Variants in PPP1R14D observed in about 807,000 individuals in gnomAD.
PPP1R14D encodes the protein protein phosphatase 1 regulatory inhibitor subunit 14D.
In PPP1R14D, 14 loss-of-function variants were observed where a neutral mutation model predicts 17.1. The observed-to-expected ratio is 0.82, with a 90% confidence interval of 0.54 to 1.28. The LOEUF (loss-of-function observed/expected upper bound fraction) is 1.28, where lower values mean the gene tolerates loss of function less well. Ranked by LOEUF, PPP1R14D falls within the 50% of genes most tolerant of loss-of-function variation. The pLI is 0.00. For missense variants in PPP1R14D, 173 were observed against 179.2 expected (o/e 0.97, Z 0.20); for synonymous variants, 67 against 66.1 (o/e 1.01, Z -0.06).
chr15:40,815,801 A>C (rs1158638302), intron 3 of PPP1R14D, 40 bp from the exon 4 acceptor site: 31 of 1,556,384 alleles, frequency 2.0e-5, no homozygotes, highest in Non-Finnish European at 2.7e-5. Flanking sequence ...TTGGGGTCAC[A>C]ATTCACCCCC....
Position 40,821,059 on chromosome 15 carries a change from C to G in PPP1R14D, c.256-4806G>C, listed in dbSNP as rs143519744. Among the ~76,000 whole-genome samples the G allele has an allele frequency of 1.7e-3, 255 of 151,636 alleles. 2 individuals carry two copies. The highest frequency in any genetic ancestry group is 5.9e-3 in the African/African-American group (244 of 41,322). Reference sequence around the variant, plus strand: ...TAAGAAGAAAAAAAAAGAACCAGGCCGGGTGCCGTGGCTCACGCCTGTAAT... The same window carrying G: ...TAAGAAGAAAAAAAAAGAACCAGGCGGGGTGCCGTGGCTCACGCCTGTAAT... On this transcript the variant is annotated intron_variant, in intron 1 of 3. Coordinates refer to ENST00000299174, the MANE Select transcript of PPP1R14D (RefSeq NM_017726.8).
At chr15:40,827,990 C>T (rs769642829) in intron 1 of PPP1R14D, among the ~76,000 whole-genome samples, 63 of 151,922 alleles carry the variant, frequency 4.1e-4, no homozygotes, top group Non-Finnish European at 8.2e-4. Context: ...AGAAAAGAAA[C>T]GAAAATGTAG....
At chr15:40,816,070 T>C in intron 2 of PPP1R14D, 76 bp from the exon 3 acceptor site, 3 of 1,603,980 alleles carry the variant, frequency 1.9e-6, no homozygotes, top group Non-Finnish European at 2.6e-6. Flanking sequence ...TCCCAAGAAT[T>C]CTCCCCTCTG....
At chr15:40,825,645 G>C (rs969468298) in intron 1 of PPP1R14D, among the ~76,000 whole-genome samples, 1 of 152,220 alleles carries the variant, frequency 6.6e-6, no homozygotes, top group African/African-American at 2.4e-5. Flanking sequence ...TGGGTGGGCA[G>C]GGGCTCTCCG....
chr15:40,821,594 T>TAAC (rs1282554934), intron 1 of PPP1R14D, among the ~76,000 whole-genome samples: 1 of 151,942 alleles, frequency 6.6e-6, no homozygotes, highest in Non-Finnish European at 1.5e-5. Context: ...CTAACATCTG[T>TAAC]AACTGGAATC....
At chr15:40,820,103 T>C (rs1890747864) in intron 1 of PPP1R14D, among the ~76,000 whole-genome samples, 1 of 151,834 alleles carries the variant, frequency 6.6e-6, no homozygotes, top group East Asian at 1.9e-4. Flanking sequence ...TGACCTCAGG[T>C]GATCTGCCCG....
intron 1 of PPP1R14D, 133 bp from the exon 2 acceptor site, chr15:40,816,386 C>A: frequency 1.4e-6 from 1 of 728,670 alleles, no homozygotes; most frequent in South Asian, 1.6e-5. Flanking sequence ...AACACCCATT[C>A]AGTTTTCCAT....
intron 1 of PPP1R14D, among the ~76,000 whole-genome samples, chr15:40,821,154 G>A (rs922811594): frequency 3.3e-5 from 5 of 151,990 alleles, no homozygotes; most frequent in Non-Finnish European, 7.4e-5. Flanking sequence ...GGCTAACATG[G>A]TGAAACCCCA....
At chr15:40,824,424 G>A (rs1890836902) in intron 1 of PPP1R14D, among the ~76,000 whole-genome samples, 1 of 151,074 alleles carries the variant, frequency 6.6e-6, no homozygotes, top group South Asian at 2.1e-4. Context: ...AGGCTGGAGT[G>A]CAGTGGCACG....
intron 1 of PPP1R14D, among the ~76,000 whole-genome samples, chr15:40,823,005 C>T (rs1332796415): frequency 2.0e-5 from 3 of 147,512 alleles, no homozygotes; most frequent in African/African-American, 5.1e-5. Flanking sequence ...GCTCTTGTCG[C>T]CCAGGCTGGA....
chr15:40,816,398 CA>C, intron 1 of PPP1R14D, 145 bp from the exon 2 acceptor site: 1 of 696,594 alleles, frequency 1.4e-6, no homozygotes, highest in Non-Finnish European at 2.5e-6. Context: ...GTTTTCCATT[CA>C]ACAGTAATTT....
rs929854965 is a variant in PPP1R14D, at chr15:40,816,173, C to T, written c.336G>A (p.Leu112=). The change falls in exon 2 of 4, where the codon CTG becomes CTA. Residue 112 remains leucine, a synonymous_variant. Transcript: ENST00000299174. ...DLSTEEQKTQ[L]EAILGNCPRP... ...CAGCTTCTAGCCCCCATCCTACCTC[C>T]AGCTGAGTCTTCTGCTCCTCTGTGG... 1 of 1,613,932 alleles carries T rather than the reference C, an allele frequency of 6.2e-7. No individual in the cohort carries two copies. Among genetic ancestry groups the T allele is most frequent in the African/African-American group, 1.3e-5 (1 of 74,930 alleles).
intron 1 of PPP1R14D, among the ~76,000 whole-genome samples, chr15:40,820,135 G>T (rs1384389277): frequency 6.6e-6 from 1 of 151,166 alleles, no homozygotes; most frequent in African/African-American, 2.4e-5. Flanking sequence ...CAAAGTGCTG[G>T]GATTACAGGC....
At chr15:40,827,757 C>CAA (rs573112640) in intron 1 of PPP1R14D, among the ~76,000 whole-genome samples, 1 of 149,686 alleles carries the variant, frequency 6.7e-6, no homozygotes, top group Non-Finnish European at 1.5e-5. Flanking sequence ...GCCGTCTCTA[C>CAA]AAAAAAAAAT....
At position 40,815,616 on chromosome 15, in the gene PPP1R14D, G is replaced by T; in HGVS notation, c.*80C>A. ...ACATTTCTTGTTTGTGTCCCAAGGA[G>T]CTATTTCCCTCTTAGCCAGGATCTG... On this transcript the variant is annotated 3_prime_UTR_variant, in exon 4 of 4. Coordinates refer to ENST00000299174, the MANE Select transcript of PPP1R14D (RefSeq NM_017726.8). 6.6e-7 allele frequency: 1 copy of T among 1,519,778 alleles called. No homozygotes were observed. Among genetic ancestry groups the T allele is most frequent in the Non-Finnish European group, 9.0e-7 (1 of 1,112,710 alleles). The allele number at this position is 1,519,778 out of a possible 1,614,324, so 94.1% of individuals were successfully genotyped here.
rs1407287915 is a variant in PPP1R14D, at chr15:40,816,153, TCTAGCCCCCATC to T, written c.339+5_339+16del. The T allele has an allele frequency of 6.2e-7, 1 of 1,613,226 alleles. No homozygotes were observed. Among genetic ancestry groups the T allele is most frequent in the Admixed American group, 1.7e-5 (1 of 59,988 alleles). On this transcript the variant is annotated splice_donor_5th_base_variant and intron_variant, in intron 2 of 3. Transcript: ENST00000299174. ...GGTTCCCACTGACCCAAGGCCAGCT[TCTAGCCCCCATC>T]CTACCTCCAGCTGAGTCTTCTGCTC...
intron 1 of PPP1R14D, among the ~76,000 whole-genome samples, chr15:40,818,394 G>A (rs978593819): frequency 2.6e-5 from 4 of 151,928 alleles, no homozygotes; most frequent in Non-Finnish European, 5.9e-5. Context: ...TCTTCAGTAG[G>A]TGAATGGATA....
In PPP1R14D at chr15:40,828,521, A is replaced by G; in HGVS notation, c.121T>C (p.Ser41Pro). 6.2e-7 allele frequency: 1 copy of G among 1,614,150 alleles called. No individual in the cohort carries two copies. Residue 41 changes from serine to proline, a missense_variant, in exon 1 of 4, where the codon TCC (serine) becomes CCC (proline). By Grantham distance (74) the Ser-to-Pro change is moderately conservative. Transcript: ENST00000299174. ...GGTATCTTGGAGGAGTCCGGGTGGG[A>G]CTTGGACTCTGAGTCTGTGGATGAT... Reference protein sequence around the residue: ...RTSSTDSESKSHPDSSKIPRS... With the variant: ...RTSSTDSESKPHPDSSKIPRS...
chr15:40,828,478 C>A lies in PPP1R14D; in HGVS notation c.164G>T (p.Ser55Ile), dbSNP rs778459433. The A allele has an allele frequency of 1.9e-6, 3 of 1,614,198 alleles. No individual in the cohort carries two copies. The highest frequency in any genetic ancestry group is 2.5e-6 in the Non-Finnish European group (3 of 1,180,040). Residue 55 changes from serine to isoleucine, a missense_variant, in exon 1 of 4, where the codon AGC (serine) becomes ATC (isoleucine). Ser to Ile is a moderately radical substitution (Grantham distance 142). Transcript: ENST00000299174. ...SSKIPRSRRP[S>I]RLTVKYDRGQ... is the part of the protein sequence containing the mutation. ...CCGGTCATACTTCACTGTCAGGCGG[C>A]TGGGTCTCCGGGACCTGGGTATCTT...
Sources: allele counts gnomAD v4.1 joint callset (sites outside exome capture counted in the v4.1 genomes callset), GRCh38; gene constraint gnomAD v4.1.1; transcripts MANE v1.5; gene names NCBI Gene and HGNC (gene_info 2026-07-23, HGNC 2026-07-21).